The following EIF2AK2 variants were observed in gnomAD, a reference collection of about 807,000 sequenced individuals.
EIF2AK2 encodes the protein interferon-induced, double-stranded RNA-activated protein kinase.
A neutral mutation model predicts 70.5 loss-of-function variants in EIF2AK2; 40 were observed. That is an observed-to-expected ratio of 0.57 (90% CI 0.44 to 0.74). The LOEUF is 0.74. EIF2AK2 is among the 30% of genes least tolerant of loss of function. The pLI, the probability that EIF2AK2 is intolerant of heterozygous loss-of-function variation, is 0.00. For synonymous variants in EIF2AK2, 198 were observed against 220.9 expected (o/e 0.90, Z 0.92); for missense variants, 555 against 644.3 (o/e 0.86, Z 1.50).
intron 10 of EIF2AK2, among the ~76,000 whole-genome samples, chr2:37,133,918 T>C (rs751206523): frequency 6.6e-6 from 1 of 152,136 alleles, no homozygotes; most frequent in Non-Finnish European, 1.5e-5. Flanking sequence ...TTTCTTTCTA[T>C]CTAAATTCCC....
chr2:37,153,715 G>C (rs2148720032), intron 1 of EIF2AK2, among the ~76,000 whole-genome samples: 1 of 151,938 alleles, frequency 6.6e-6, no homozygotes, highest in Middle Eastern at 3.4e-3. Flanking sequence ...ACCATATTTT[G>C]TTCATGCATT....
At chr2:37,142,372 A>G (rs1675365113) in intron 4 of EIF2AK2, among the ~76,000 whole-genome samples, 1 of 152,126 alleles carries the variant, frequency 6.6e-6, no homozygotes, top group African/African-American at 2.4e-5. Flanking sequence ...AGCTCAAGTT[A>G]TCTGCCCGCC....
intron 14 of EIF2AK2, chr2:37,109,631 A>G: frequency 4.8e-6 from 1 of 207,330 alleles, no homozygotes; most frequent in South Asian, 9.7e-5. Context: ...AACTGTTCAT[A>G]GCGTATTTAT....
intron 10 of EIF2AK2, among the ~76,000 whole-genome samples, chr2:37,132,568 G>A (rs188811360): frequency 2.0e-5 from 3 of 152,238 alleles, no homozygotes; most frequent in Admixed American, 2.0e-4. Context: ...CAGCCTGGGT[G>A]ACAGAGCAAG....
intron 5 of EIF2AK2, among the ~76,000 whole-genome samples, chr2:37,139,980 C>CA (rs1413028670): frequency 6.6e-6 from 1 of 152,074 alleles, no homozygotes; most frequent in African/African-American, 2.4e-5. Context: ...ATTTTCCAGG[C>CA]AATTTCTAAT....
chr2:37,153,530 G>C (rs1675819759), intron 1 of EIF2AK2, among the ~76,000 whole-genome samples: 1 of 151,602 alleles, frequency 6.6e-6, no homozygotes, highest in Non-Finnish European at 1.5e-5. Flanking sequence ...TCTCTCTTCT[G>C]TCTCTGTAAA....
At chr2:37,138,458 C>G (rs769020399) in intron 7 of EIF2AK2, 51 bp downstream of exon 7, 9 of 1,601,062 alleles carry the variant, frequency 5.6e-6, no homozygotes, top group Non-Finnish European at 7.7e-6. Flanking sequence ...ATCTGTCTTT[C>G]AGACAGAAAT....
chr2:37,126,238 C>T, intron 11 of EIF2AK2, 51 bp downstream of exon 11: 1 of 1,521,362 alleles, frequency 6.6e-7, no homozygotes, highest in Non-Finnish European at 8.8e-7. Context: ...AAGAATAGTG[C>T]AGATTCAGCG....
At chr2:37,113,160 A>C in intron 14 of EIF2AK2, among the ~76,000 whole-genome samples, 1 of 152,210 alleles carries the variant, frequency 6.6e-6, no homozygotes, top group East Asian at 1.9e-4. Flanking sequence ...CTCCAAAATA[A>C]AAATGAGAAA....
chr2:37,135,495 A>G lies in EIF2AK2; in HGVS notation c.774T>C (p.Thr258=). The change falls in exon 10 of 17, where the codon ACT becomes ACC. Residue 258 remains threonine, a synonymous_variant. Coordinates refer to ENST00000233057, the MANE Select transcript of EIF2AK2 (RefSeq NM_001135651.3). ...ACTTAAAATCTTACCTCTTGTCCAC[A>G]GTATACTTTGTTTCTTTCATGTCAG... is the stretch of plus-strand genomic sequence containing the variant. ...DLPDMKETKY[T]VDKRFGMDFK... is the part of the protein sequence containing the mutation. 1 of 1,608,572 alleles carries G rather than the reference A, an allele frequency of 6.2e-7. No individual in the cohort carries two copies. Among genetic ancestry groups the G allele is most frequent in the Non-Finnish European group, 8.5e-7 (1 of 1,177,612 alleles).
chr2:37,148,915 T>C lies in EIF2AK2; in HGVS notation c.-75A>G. 1.2e-6 allele frequency: 1 copy of C among 824,458 alleles called. No individual in the cohort carries two copies. Among genetic ancestry groups the C allele is most frequent in the Non-Finnish European group, 2.2e-6 (1 of 459,542 alleles). 51.1% of individuals were successfully genotyped at this position (824,458 alleles called of 1,614,324 possible). A position where few individuals can be genotyped will look rare whatever the true frequency, so the allele number is the denominator to read the frequency against. ...TAATCACGGAAGTGTGGATGTTGAT[T>C]CTGAAGACCGCCAGAGAAGCAAACC... On this transcript the variant is annotated 5_prime_UTR_variant, in exon 2 of 17. Transcript: ENST00000233057.
chr2:37,152,572 C>T (rs1003376308), intron 1 of EIF2AK2, among the ~76,000 whole-genome samples: 1 of 152,116 alleles, frequency 6.6e-6, no homozygotes, highest in African/African-American at 2.4e-5. Flanking sequence ...TGGGCCACCA[C>T]GCCTGGCCGG....
At position 37,106,084 on chromosome 2, in the gene EIF2AK2, C is replaced by T. The variant is rs928957547; in HGVS notation, c.*1189G>A. 1 of 152,368 alleles carries T rather than the reference C, an allele frequency of 6.6e-6. No individual in the cohort carries two copies. Among genetic ancestry groups the T allele is most frequent in the Non-Finnish European group, 1.5e-5 (1 of 68,028 alleles). The allele number at this position is 152,368 out of a possible 1,614,324, so 9.4% of individuals were successfully genotyped here. A position where few individuals can be genotyped will look rare whatever the true frequency, so the allele number is the denominator to read the frequency against. ...TACCATTACCTTTGAAAGTCCATTTCCCCAATCACATCATTCCCCTCCCTC... is the reference window on the plus strand; with the variant it reads ...TACCATTACCTTTGAAAGTCCATTTTCCCAATCACATCATTCCCCTCCCTC... On this transcript the variant is annotated 3_prime_UTR_variant, in exon 17 of 17. Coordinates refer to ENST00000233057, the MANE Select transcript of EIF2AK2 (RefSeq NM_001135651.3).
chr2:37,123,502 T>C (rs1674627131), intron 11 of EIF2AK2, among the ~76,000 whole-genome samples: 1 of 152,134 alleles, frequency 6.6e-6, no homozygotes, highest in East Asian at 1.9e-4. Flanking sequence ...TCCTGGGATC[T>C]AGCAATCCAC....
chr2:37,118,154 A>C (rs1343691873), intron 13 of EIF2AK2, among the ~76,000 whole-genome samples: 2 of 151,720 alleles, frequency 1.3e-5, no homozygotes, highest in African/African-American at 2.4e-5. Context: ...ACAAAAAAAA[A>C]ACACACAAAA....
At chr2:37,149,338 C>T (rs1675664145) in intron 1 of EIF2AK2, 2 of 756,910 alleles carry the variant, frequency 2.6e-6, no homozygotes, top group Admixed American at 2.4e-5. Context: ...CTTTAAAGGT[C>T]TTTATTTCTA....
chr2:37,115,548 C>G (rs1674313316), intron 13 of EIF2AK2, among the ~76,000 whole-genome samples: 2 of 152,044 alleles, frequency 1.3e-5, no homozygotes, highest in Non-Finnish European at 2.9e-5. Flanking sequence ...TAGTGTTGTC[C>G]AAAGAATGGG....
chr2:37,152,298 T>C (rs564544127), intron 1 of EIF2AK2, among the ~76,000 whole-genome samples: 1 of 152,262 alleles, frequency 6.6e-6, no homozygotes, highest in South Asian at 2.1e-4. Context: ...TTTTTTGTTT[T>C]TGAGACAGGG....
chr2:37,155,042 C>T (rs1397655159), intron 1 of EIF2AK2, among the ~76,000 whole-genome samples: 3 of 152,008 alleles, frequency 2.0e-5, no homozygotes, highest in Non-Finnish European at 4.4e-5. Flanking sequence ...CTTGGACTCA[C>T]TCCCCTGGTG....
Sources: gnomAD v4.1 joint callset for allele counts (sites outside exome capture counted in the v4.1 genomes callset) on GRCh38, gnomAD v4.1.1 for gene constraint, MANE v1.5 for transcripts, NCBI Gene and HGNC (gene_info 2026-07-23, HGNC 2026-07-21) for gene names.